The following EPHA5 variants were observed in gnomAD, a reference collection of about 807,000 sequenced individuals.
EPHA5 encodes ephrin type-A receptor 5.
In EPHA5, 60 loss-of-function variants were observed where a neutral mutation model predicts 105.0. The observed-to-expected ratio is 0.57, with a 90% CI of 0.46 to 0.71. The LOEUF (loss-of-function observed/expected upper bound fraction) is 0.71. Among genes scored for constraint, EPHA5 ranks in the 30% least tolerant of loss-of-function variants. The pLI is 0.00. For synonymous variants in EPHA5, 513 were observed against 449.1 expected (o/e 1.14, Z -1.80); for missense variants, 1,218 against 1,274.7 (o/e 0.96, Z 0.68).
In EPHA5 at chr4:65,365,100, C is replaced by A. The variant is rs910705978; in HGVS notation, c.2090G>T (p.Arg697Leu). 1.2e-6 allele frequency: 2 copies of A among 1,611,784 alleles called. No homozygotes were observed. The highest frequency in any genetic ancestry group is 1.7e-6 in the Non-Finnish European group (2 of 1,178,454). The change falls in exon 11 of 17, where the codon CGC (arginine) becomes CTC (leucine). Residue 697 changes from arginine to leucine, a missense_variant. Physicochemically the swap from Arg to Leu is moderately radical, Grantham distance 102 (BLOSUM62 -2). Transcript: ENST00000613740. Reference protein sequence around the residue: ...TLKVGYTEKQRRDFLGEASIM... With the variant: ...TLKVGYTEKQLRDFLGEASIM... ...ACTTGCTTCACCTAGGAAATCTCTG[C>A]GTTGCTTTTCAGTATAGCCTACTTT...
intron 5 of EPHA5, among the ~76,000 whole-genome samples, chr4:65,477,960 T>C (rs902440478): frequency 1.3e-5 from 2 of 152,144 alleles, no homozygotes; most frequent in Admixed American, 6.5e-5. Context: ...TCTAAAGTCA[T>C]TGAACAAAAT....
intron 3 of EPHA5, among the ~76,000 whole-genome samples, chr4:65,576,630 C>T (rs1381467001): frequency 6.6e-6 from 1 of 152,218 alleles, no homozygotes. Flanking sequence ...CAGATTTGTG[C>T]TCCAGTGGTT....
At chr4:65,385,759 T>C (rs937306471) in intron 8 of EPHA5, among the ~76,000 whole-genome samples, 1 of 151,892 alleles carries the variant, frequency 6.6e-6, no homozygotes, top group Non-Finnish European at 1.5e-5. Context: ...CACAAAAATG[T>C]ACCTTTATAA....
chr4:65,423,199 T>C (rs528974133), intron 5 of EPHA5, among the ~76,000 whole-genome samples: 3 of 151,924 alleles, frequency 2.0e-5, no homozygotes, highest in Non-Finnish European at 4.4e-5. Context: ...GGGTTGTGGG[T>C]TTTTTGGGGT....
At chr4:65,330,085 C>A (rs944091850) in intron 16 of EPHA5, among the ~76,000 whole-genome samples, 3 of 151,202 alleles carry the variant, frequency 2.0e-5, no homozygotes, top group African/African-American at 4.8e-5. Flanking sequence ...GATTATGACC[C>A]CCAGGAATTT....
At chr4:65,582,082 G>A (rs556409938) in intron 3 of EPHA5, among the ~76,000 whole-genome samples, 1 of 151,614 alleles carries the variant, frequency 6.6e-6, no homozygotes, top group South Asian at 2.1e-4. Flanking sequence ...TCAGGAGCTG[G>A]GTTGCATTAA....
At chr4:65,352,030 G>A (rs1438577002) in intron 12 of EPHA5, among the ~76,000 whole-genome samples, 1 of 152,014 alleles carries the variant, frequency 6.6e-6, no homozygotes, top group Non-Finnish European at 1.5e-5. Context: ...ACAGCAGATG[G>A]GAGACGGGTG....
intron 3 of EPHA5, among the ~76,000 whole-genome samples, chr4:65,511,226 G>T (rs923322420): frequency 6.6e-6 from 1 of 152,118 alleles, no homozygotes; most frequent in African/African-American, 2.4e-5. Context: ...CAAAGTACAG[G>T]GTGGAGATGT....
intron 11 of EPHA5, among the ~76,000 whole-genome samples, chr4:65,354,743 C>CAT (rs1462162092): frequency 6.6e-6 from 1 of 151,518 alleles, no homozygotes; most frequent in Non-Finnish European, 1.5e-5. Context: ...AGATATAGAA[C>CAT]ATATGATTAA....
rs144183313 is a variant in EPHA5 at position 65,599,827 on chromosome 4, C to G, written c.910+1814G>C. Among the ~76,000 whole-genome samples the G allele has an allele frequency of 5.5e-3, 835 of 152,284 alleles. 10 individuals carry two copies. The highest frequency in any genetic ancestry group is 0.02 in the African/African-American group (815 of 41,560). ...GAGAAAGAAAAGATGTATGCTAACA[C>G]TTGCACTAAGACTGCATTGCATTCT... On this transcript the variant is annotated intron_variant, in intron 3 of 16. Coordinates refer to ENST00000613740, the MANE Select transcript of EPHA5 (RefSeq NM_001281766.3).
intron 8 of EPHA5, among the ~76,000 whole-genome samples, chr4:65,386,715 CAG>C (rs954642096): frequency 1.4e-4 from 21 of 151,614 alleles, no homozygotes; most frequent in Admixed American, 2.0e-4. Flanking sequence ...GTAAAAAAAA[CAG>C]AAAACAAAAC....
intron 5 of EPHA5, among the ~76,000 whole-genome samples, chr4:65,446,975 A>ATT (rs397993760): frequency 0.028 from 3,139 of 112,880 alleles, 67 homozygotes; most frequent in African/African-American, 0.038. Flanking sequence ...TTAAAAGCTC[A>ATT]TTTTTTTTTT....
At chr4:65,416,410 C>T (rs17086221) in intron 6 of EPHA5, among the ~76,000 whole-genome samples, 1,651 of 152,084 alleles carry the variant, frequency 0.011, 32 homozygotes, top group African/African-American at 0.038. Context: ...TACCACCAAG[C>T]GTAATCTCTA....
At chr4:65,464,622 T>A (rs1728439160) in intron 5 of EPHA5, among the ~76,000 whole-genome samples, 1 of 152,096 alleles carries the variant, frequency 6.6e-6, no homozygotes, top group Non-Finnish European at 1.5e-5. Context: ...AAAAATAAAT[T>A]AAGCAGGACT....
chr4:65,556,932 C>A (rs1738501194), intron 3 of EPHA5, among the ~76,000 whole-genome samples: 1 of 151,906 alleles, frequency 6.6e-6, no homozygotes, highest in Non-Finnish European at 1.5e-5. Flanking sequence ...ATGTTGCAAA[C>A]TCATGGAATG....
intron 3 of EPHA5, among the ~76,000 whole-genome samples, chr4:65,559,016 G>A (rs1427252763): frequency 1.3e-5 from 2 of 152,002 alleles, no homozygotes; most frequent in Non-Finnish European, 2.9e-5. Flanking sequence ...ACATATCCAT[G>A]TAACAAACCT....
intron 5 of EPHA5, among the ~76,000 whole-genome samples, chr4:65,432,406 G>C (rs1725063830): frequency 6.6e-6 from 1 of 152,116 alleles, no homozygotes; most frequent in South Asian, 2.1e-4. Flanking sequence ...TGGAAATAAG[G>C]TTGGTTAACA....
rs1741879266 is a variant in EPHA5, at chr4:65,583,880, G to A, written c.910+17761C>T. On this transcript the variant is annotated intron_variant, in intron 3 of 16. Coordinates refer to ENST00000613740, the MANE Select transcript of EPHA5 (RefSeq NM_001281766.3). ...AATAGGTATATATATTCTTATTTGC[G>A]AATGTATATACTGGTTCATTAAATT... is the stretch of plus-strand genomic sequence containing the variant. Among the ~76,000 whole-genome samples the A allele has an allele frequency of 4.6e-5, 7 of 151,408 alleles. No individual in the cohort carries two copies. The South Asian group carries it at 1.5e-3, about 31-fold the overall frequency.
chr4:65,632,630 AG>A (rs1476715287), intron 2 of EPHA5, among the ~76,000 whole-genome samples: 1 of 151,896 alleles, frequency 6.6e-6, no homozygotes, highest in Non-Finnish European at 1.5e-5. Flanking sequence ...TAACTGATAT[AG>A]GTAATGCAAA....
Sources: allele counts gnomAD v4.1 joint callset (sites outside exome capture counted in the v4.1 genomes callset), GRCh38; gene constraint gnomAD v4.1.1; transcripts MANE v1.5; gene names NCBI Gene and HGNC (gene_info 2026-07-23, HGNC 2026-07-21).